Variants in SLC36A1 observed in about 807,000 individuals in gnomAD.
SLC36A1 encodes the protein solute carrier family 36 member 1, also known as proton-coupled amino acid transporter 1.
In SLC36A1, 30 loss-of-function variants were observed where a neutral mutation model predicts 47.5. The observed-to-expected ratio is 0.63, with a 90% CI of 0.47 to 0.86. The LOEUF (loss-of-function observed/expected upper bound fraction) is 0.86. SLC36A1 is among the 40% of genes least tolerant of loss of function. SLC36A1 has a pLI of 0.00. For synonymous variants in SLC36A1, 255 were observed against 249.7 expected, an observed-to-expected ratio of 1.02 and a Z score of -0.20; for missense variants, 517 against 606.0, an observed-to-expected ratio of 0.85 and a Z score of 1.54.
chr5:151,386,409 C>A, the SLC36A1 span, among the ~76,000 whole-genome samples: 7 of 152,306 alleles, frequency 4.6e-5, no homozygotes, highest in South Asian at 1.5e-3. Context: ...GATAATAACT[C>A]TGACCATTTC....
the SLC36A1 span, chr5:151,531,533 G>C: frequency 1.2e-6 from 2 of 1,601,372 alleles, no homozygotes; most frequent in Admixed American, 1.7e-5. This position sits in a 1 kb window ranked among gnomAD's most constrained non-coding sequence, Gnocchi z 5.7. Context: ...GGAACCCAGC[G>C]CTCCCAGAAA....
At chr5:151,526,098 G>GCT in the SLC36A1 span, 1 of 868,034 alleles carries the variant, frequency 1.2e-6, no homozygotes, top group Non-Finnish European at 1.8e-6. Flanking sequence ...TGGACATCAA[G>GCT]CTGCTGCTCA....
At chr5:151,388,521 A>AAAAAT in the SLC36A1 span, among the ~76,000 whole-genome samples, 1 of 151,154 alleles carries the variant, frequency 6.6e-6, no homozygotes, top group Non-Finnish European at 1.5e-5. Flanking sequence ...AAAAAAAAAA[A>AAAAAT]AAAGAACTTT....
chr5:151,500,323 C>T, the SLC36A1 span, among the ~76,000 whole-genome samples: 1 of 152,114 alleles, frequency 6.6e-6, no homozygotes, highest in African/African-American at 2.4e-5. Flanking sequence ...GCCTCGGTTT[C>T]TCCATTTGTA....
chr5:151,535,384 T>G, the SLC36A1 span, among the ~76,000 whole-genome samples: 83,878 of 151,614 alleles, frequency 0.55, 23,421 homozygotes, highest in East Asian at 0.81. Flanking sequence ...CCCCAGAGAG[T>G]CTCCTGCCTT....
At chr5:151,426,455 G>A in the SLC36A1 span, among the ~76,000 whole-genome samples, 1 of 152,044 alleles carries the variant, frequency 6.6e-6, no homozygotes, top group Non-Finnish European at 1.5e-5. Flanking sequence ...TTTAAGGAAA[G>A]GTGCTGTGCC....
At chr5:151,383,062 C>T in the SLC36A1 span, among the ~76,000 whole-genome samples, 30 of 152,288 alleles carry the variant, frequency 2.0e-4, no homozygotes, top group East Asian at 5.6e-3. Context: ...CCGCACCCGG[C>T]CCACAGTCTT....
the SLC36A1 span, among the ~76,000 whole-genome samples, chr5:151,383,745 GTAT>G: frequency 1.2e-4 from 18 of 151,994 alleles, no homozygotes; most frequent in African/African-American, 4.3e-4. Flanking sequence ...GCTAATTTTT[GTAT>G]TATTAGTAGA....
At chr5:151,518,027 A>T in the SLC36A1 span, among the ~76,000 whole-genome samples, 1 of 152,116 alleles carries the variant, frequency 6.6e-6, no homozygotes, top group African/African-American at 2.4e-5. Flanking sequence ...TATGAATTTA[A>T]ACCATTAAGA....
the SLC36A1 span, chr5:151,538,032 A>G: frequency 8.3e-7 from 1 of 1,203,886 alleles, no homozygotes; most frequent in South Asian, 1.5e-5. Flanking sequence ...TGAGGGAGGC[A>G]GAAGCAGAAA....
the SLC36A1 span, among the ~76,000 whole-genome samples, chr5:151,429,781 T>C: frequency 2.0e-5 from 3 of 152,204 alleles, no homozygotes; most frequent in Non-Finnish European, 4.4e-5. Flanking sequence ...TCTCATAAAA[T>C]GCTTGACTTT....
At chr5:151,432,048 A>G (rs755677794), upstream of SLC36A1, among the ~76,000 whole-genome samples, 1 of 152,160 alleles carries the variant, frequency 6.6e-6, no homozygotes, top group Non-Finnish European at 1.5e-5. Context: ...GCACACACAG[A>G]GGCCCTCACA....
chr5:151,473,129 C>G (rs1326947825), intron 7 of SLC36A1, among the ~76,000 whole-genome samples: 1 of 152,024 alleles, frequency 6.6e-6, no homozygotes, highest in Non-Finnish European at 1.5e-5. Context: ...GAGCCGAGAT[C>G]TCGCCACTGC....
chr5:151,553,938 T>C, the SLC36A1 span, among the ~76,000 whole-genome samples: 1 of 152,236 alleles, frequency 6.6e-6, no homozygotes, highest in Non-Finnish European at 1.5e-5. Context: ...TCAGGCTGAC[T>C]GATGTAAGCA....
the SLC36A1 span, chr5:151,526,036 G>A: frequency 7.5e-6 from 11 of 1,462,450 alleles, no homozygotes; most frequent in African/African-American, 1.4e-5. Flanking sequence ...ACGTGTCTGG[G>A]TATGTCATCT....
the SLC36A1 span, among the ~76,000 whole-genome samples, chr5:151,548,075 C>G: frequency 2.6e-5 from 4 of 152,112 alleles, no homozygotes; most frequent in Non-Finnish European, 5.9e-5. Flanking sequence ...GCAAGCAATG[C>G]ATTATAATCC....
At chr5:151,496,936 T>C (rs1400361379), downstream of SLC36A1, among the ~76,000 whole-genome samples, 1 of 152,232 alleles carries the variant, frequency 6.6e-6, no homozygotes, top group African/African-American at 2.4e-5. Flanking sequence ...TGGTAGTATA[T>C]AGAAATATAA....
chr5:151,513,432 T>C, the SLC36A1 span, among the ~76,000 whole-genome samples: 5 of 152,210 alleles, frequency 3.3e-5, no homozygotes, highest in Non-Finnish European at 7.3e-5. Context: ...AATGAGATTA[T>C]GTCCTTTGCA....
chr5:151,527,909 C>A, the SLC36A1 span: 4 of 1,528,650 alleles, frequency 2.6e-6, no homozygotes, highest in Admixed American at 7.3e-5. Context: ...AGGATGGGGT[C>A]TTGACAGCGA....
Sources: gnomAD v4.1 joint callset for allele counts (sites outside exome capture counted in the v4.1 genomes callset) on GRCh38, gnomAD v4.1.1 for gene constraint, Gnocchi (gnomAD v3.1) non-coding constraint, MANE v1.5 for transcripts, NCBI Gene and HGNC (gene_info 2026-07-23, HGNC 2026-07-21) for gene names.